Variants in CSMD3 observed in about 807,000 individuals in gnomAD.
CSMD3 encodes the protein CUB and Sushi multiple domains 3, also known as CUB and sushi domain-containing protein 3.
CSMD3 carries 177 observed loss-of-function variants against 435.2 expected under a neutral mutation model. That is an observed-to-expected ratio of 0.41 (90% CI 0.36 to 0.46). CSMD3 has a LOEUF of 0.46. Among genes scored for constraint, CSMD3 ranks in the 20% least tolerant of loss-of-function variants. The pLI is 0.34. For synonymous variants in CSMD3, 1,656 were observed against 1,520.5 expected, an observed-to-expected ratio of 1.09 and a Z score of -2.07; for missense variants, 4,265 against 4,504.6, an observed-to-expected ratio of 0.95 and a Z score of 1.52.
At chr8:112,544,830 T>C (rs1827005230) in intron 27 of CSMD3, among the ~76,000 whole-genome samples, 1 of 152,178 alleles carries the variant, frequency 6.6e-6, no homozygotes, top group Non-Finnish European at 1.5e-5. Context: ...TCTTAAGAAA[T>C]GAATGTTCAG....
In CSMD3 at chr8:112,405,203, A is replaced by AAAAAC. The variant is rs1831683520; in HGVS notation, c.5809+1320_5809+1321insGTTTT. 5.0e-5 allele frequency among the ~76,000 whole-genome samples: 2 copies of AAAAAC among 40,040 alleles called. 1 individual carries two copies. The allele number at this position is 40,040 out of a possible 152,430, so 26.3% of individuals were successfully genotyped here. On this transcript the variant is annotated intron_variant, in intron 35 of 70. Transcript: ENST00000297405. ...TCTCTCAAAAAAAAAAAAAAAAAAA[A>AAAAAC]AAAAAACCCCCATATATATATATAT...
chr8:112,758,118 C>G (rs2077745173), intron 13 of CSMD3, among the ~76,000 whole-genome samples: 1 of 151,846 alleles, frequency 6.6e-6, no homozygotes, highest in African/African-American at 2.4e-5. Flanking sequence ...ACTTTGGGAG[C>G]CCGAGGCGGG....
intron 13 of CSMD3, among the ~76,000 whole-genome samples, chr8:112,723,135 C>T (rs959646505): frequency 5.3e-5 from 8 of 151,672 alleles, no homozygotes; most frequent in African/African-American, 1.9e-4. Context: ...TAATCATTAA[C>T]CTAAGTATGC....
chr8:113,343,886 C>T (rs1277820452), intron 1 of CSMD3, among the ~76,000 whole-genome samples: 3 of 151,838 alleles, frequency 2.0e-5, no homozygotes, highest in Admixed American at 6.6e-5. Flanking sequence ...TCCTGACTAA[C>T]GTTATAATCT....
At chr8:113,436,075 A>AT (rs1420401156) in intron 1 of CSMD3, among the ~76,000 whole-genome samples, 1 of 151,944 alleles carries the variant, frequency 6.6e-6, no homozygotes, top group African/African-American at 2.4e-5. Context: ...CGAAAGCCTC[A>AT]TTTTTTGCCA....
At chr8:112,807,937 A>G (rs1418857417) in intron 12 of CSMD3, among the ~76,000 whole-genome samples, 1 of 152,194 alleles carries the variant, frequency 6.6e-6, no homozygotes, top group Non-Finnish European at 1.5e-5. Flanking sequence ...TACCATACTT[A>G]TTATTCATTT....
intron 2 of CSMD3, among the ~76,000 whole-genome samples, chr8:113,285,328 C>T (rs776531516): frequency 5.0e-5 from 7 of 138,636 alleles, no homozygotes; most frequent in Non-Finnish European, 7.6e-5. Flanking sequence ...GGCACGATCT[C>T]GGCTCACTGC....
chr8:112,362,820 G>A (rs1161642803), intron 38 of CSMD3, among the ~76,000 whole-genome samples: 1 of 151,952 alleles, frequency 6.6e-6, no homozygotes, highest in Admixed American at 6.6e-5. Context: ...ATTATCCTGA[G>A]GGGTAGTTGT....
chr8:113,033,809 C>A (rs1366448436), intron 5 of CSMD3, among the ~76,000 whole-genome samples: 2 of 151,288 alleles, frequency 1.3e-5, no homozygotes, highest in East Asian at 3.9e-4. Context: ...GTATCCCCAA[C>A]CAAATGTCAT....
chr8:113,228,867 G>T (rs78006405), intron 3 of CSMD3, among the ~76,000 whole-genome samples: 1 of 151,538 alleles, frequency 6.6e-6, no homozygotes. Context: ...AATAACTGAC[G>T]TGTATAAGGC....
intron 64 of CSMD3, among the ~76,000 whole-genome samples, chr8:112,244,945 C>A (rs533717538): frequency 1.6e-4 from 25 of 151,646 alleles, no homozygotes; most frequent in Non-Finnish European, 3.7e-4. Context: ...TGGTAAGATA[C>A]CTTTTAATGT....
intron 4 of CSMD3, among the ~76,000 whole-genome samples, chr8:113,134,882 A>G (rs2091376195): frequency 6.6e-6 from 1 of 152,062 alleles, no homozygotes; most frequent in Admixed American, 6.6e-5. Flanking sequence ...GTGCTGCATT[A>G]AGATATGGCA....
chr8:112,565,957 A>AT (rs1337905892), intron 24 of CSMD3, among the ~76,000 whole-genome samples: 3 of 152,020 alleles, frequency 2.0e-5, no homozygotes, highest in Non-Finnish European at 4.4e-5. Flanking sequence ...TGTAACAAAA[A>AT]TAAAAAAAAA....
intron 12 of CSMD3, among the ~76,000 whole-genome samples, chr8:112,820,703 C>G (rs1221615836): frequency 6.7e-6 from 1 of 150,358 alleles, no homozygotes; most frequent in African/African-American, 2.5e-5. Context: ...AGGTTTGCTA[C>G]GTAGGTATAC....
chr8:112,418,247 C>A (rs542855476), intron 32 of CSMD3, among the ~76,000 whole-genome samples: 1 of 152,098 alleles, frequency 6.6e-6, no homozygotes, highest in East Asian at 1.9e-4. Flanking sequence ...ATTTCTGACT[C>A]GTATTTTCTT....
intron 3 of CSMD3, among the ~76,000 whole-genome samples, chr8:113,256,087 G>GT (rs1468897150): frequency 6.6e-6 from 1 of 151,818 alleles, no homozygotes; most frequent in Non-Finnish European, 1.5e-5. Context: ...CTACATGCTG[G>GT]TAGTGAATCC....
intron 30 of CSMD3, among the ~76,000 whole-genome samples, chr8:112,498,322 T>C (rs1821582935): frequency 6.6e-6 from 1 of 152,108 alleles, no homozygotes; most frequent in South Asian, 2.1e-4. Context: ...CAACATCTCT[T>C]TTTAAAAAAT....
chr8:112,945,741 A>G (rs1948167608), intron 9 of CSMD3, among the ~76,000 whole-genome samples: 1 of 151,344 alleles, frequency 6.6e-6, no homozygotes, highest in African/African-American at 2.4e-5. Flanking sequence ...CTCTGATGCA[A>G]ATATTTGGTT....
chr8:112,521,894 G>T (rs1824321916), intron 27 of CSMD3, among the ~76,000 whole-genome samples: 2 of 151,786 alleles, frequency 1.3e-5, no homozygotes, highest in African/African-American at 4.8e-5. Flanking sequence ...CATTGTAAAT[G>T]TACTTCTAAT....
Sources: allele counts gnomAD v4.1 joint callset (sites outside exome capture counted in the v4.1 genomes callset), GRCh38; gene constraint gnomAD v4.1.1; transcripts MANE v1.5; gene names NCBI Gene and HGNC (gene_info 2026-07-23, HGNC 2026-07-21).